OBSL1: variants seen among roughly 807,000 people sequenced by gnomAD.
The protein encoded by OBSL1 is obscurin like cytoskeletal adaptor 1.
OBSL1 carries 160 observed loss-of-function variants against 172.0 expected under a neutral mutation model. That is an observed-to-expected ratio of 0.93 (90% confidence interval 0.82 to 1.06). The LOEUF is 1.06. Among genes scored for constraint, OBSL1 ranks in the 50% least tolerant of loss-of-function variants. OBSL1 has a pLI of 0.00. For missense variants in OBSL1, 2,681 were observed against 2,715.4 expected (o/e 0.99, Z 0.28); for synonymous variants, 1,200 against 1,196.3 (o/e 1.00, Z -0.06).
chr2:219,554,678 T>G lies in OBSL1; in HGVS notation c.4672A>C (p.Thr1558Pro). Residue 1558 changes from threonine to proline, a missense_variant, in exon 15 of 21, where the codon ACC becomes CCC. Thr to Pro is a conservative substitution (Grantham distance 38). Transcript: ENST00000404537. ...TCCTGGGACAGCTCCAGCTGGAAGG[T>G]GGCACTGCCCCCCTCACTGATGGTC... is the stretch of plus-strand genomic sequence containing the variant. ...DVTISEGGSA[T>P]FQLELSQEGV... The G allele has an allele frequency of 6.3e-7, 1 of 1,596,156 alleles. No homozygotes were observed. The highest frequency in any genetic ancestry group is 8.5e-7 in the Non-Finnish European group (1 of 1,171,404).
At chr2:219,566,678 G>A (rs376242829) in intron 5 of OBSL1, among the ~76,000 whole-genome samples, 152 bp downstream of exon 5, 2 of 152,184 alleles carry the variant, frequency 1.3e-5, no homozygotes, top group African/African-American at 2.4e-5. Flanking sequence ...TTGGCCTTCC[G>A]GACCTCTGAG....
chr2:219,556,818 T>C, intron 12 of OBSL1, 95 bp from the exon 13 acceptor site: 16 of 1,344,736 alleles, frequency 1.2e-5, no homozygotes, highest in Non-Finnish European at 1.5e-5. Context: ...TCCCCAGTCA[T>C]TTAACAGACC....
At position 219,552,816 on chromosome 2, in the gene OBSL1, G is replaced by C. The variant is rs574191605; in HGVS notation, c.5146+52C>G. 6.5e-6 allele frequency: 10 copies of C among 1,534,072 alleles called. No individual in the cohort carries two copies. In the South Asian group the frequency reaches 1.1e-4, roughly 17 times the overall value. On this transcript the variant is annotated intron_variant, in intron 17 of 20. Transcript: ENST00000404537. Reference sequence around the variant, plus strand: ...ATCAGGGTCCGGGGAAGACAGCTCCGCAAGTCTCGCGCCCAAAGCAGTGCC... The same window carrying C: ...ATCAGGGTCCGGGGAAGACAGCTCCCCAAGTCTCGCGCCCAAAGCAGTGCC...
In OBSL1 at chr2:219,571,213, TC is replaced by T; in HGVS notation, c.19del (p.Asp7IlefsTer18). 1 of 1,302,414 alleles carries T rather than the reference TC, an allele frequency of 7.7e-7. No individual in the cohort carries two copies. The allele number at this position is 1,302,414 out of a possible 1,614,324, so 80.7% of individuals were successfully genotyped here. A position where few individuals can be genotyped will look rare whatever the true frequency, so the allele number is the denominator to read the frequency against. On this transcript the variant is annotated frameshift_variant, in exon 1 of 21. Transcript: ENST00000404537. LOFTEE classifies it high-confidence loss of function. MKASSG[D>X]QGSPPCFLRF... ...CAGGAAGCACGGGGGGCTCCCCTGATCCCCCGAGCTCGCCTTCATCGCGGCG... is the reference window on the plus strand; with the variant it reads ...CAGGAAGCACGGGGGGCTCCCCTGATCCCCGAGCTCGCCTTCATCGCGGCG...
chr2:219,570,810 C>T lies in OBSL1; in HGVS notation c.423G>A (p.Arg141=), dbSNP rs79796143. 622 of 1,485,198 alleles carry T rather than the reference C, an allele frequency of 4.2e-4. 3 individuals are homozygous for T. In the African/African-American group the frequency reaches 8.2e-3, roughly 20 times the overall value. 92.0% of individuals were successfully genotyped at this position (1,485,198 alleles called of 1,614,324 possible). Residue 141 remains arginine (R), a synonymous_variant, in exon 1 of 21, where the codon CGG becomes CGA. Coordinates refer to ENST00000404537, the MANE Select transcript of OBSL1 (RefSeq NM_015311.3). ...LTGPRSQWVL[R]GAEVVLTCRA... The stretch of plus-strand genomic sequence containing the variant: ...GGCACGTCAGCACCACCTCCGCCCC[C>T]CGCAGCACCCACTGGGATCGAGGCC...
intron 14 of OBSL1, chr2:219,555,019 G>A (rs1049997864): frequency 4.8e-5 from 22 of 455,060 alleles, no homozygotes; most frequent in African/African-American, 3.8e-4. Context: ...ACACTTGAAG[G>A]AGCACGGAAT....
chr2:219,570,579 C>T lies in OBSL1; in HGVS notation c.654G>A (p.Ala218=). 6.5e-7 allele frequency: 1 copy of T among 1,531,140 alleles called. No homozygotes were observed. The highest frequency in any genetic ancestry group is 8.8e-7 in the Non-Finnish European group (1 of 1,142,568). 94.8% of individuals were successfully genotyped at this position (1,531,140 alleles called of 1,614,324 possible). A position where few individuals can be genotyped will look rare whatever the true frequency, so the allele number is the denominator to read the frequency against. Residue 218 remains alanine (A), a synonymous_variant, in exon 1 of 21, where the codon GCG becomes GCA. Transcript: ENST00000404537. The stretch of plus-strand genomic sequence containing the variant: ...GCACCTGGAGCAGCGCCCCCGCCTG[C>T]GCGTGGCCGTGCGCGTTGCGGGCGT... ...VCHARNAHGH[A]QAGALLQVHQ...
At position 219,570,657 on chromosome 2, in the gene OBSL1, C is replaced by A. The variant is rs939447576; in HGVS notation, c.576G>T (p.Leu192=). ...GCCGAGCCGCCAGGATGCGCAGTGC[C>A]AGGCTCGCGCCGGGGCCGTCCTCGG... is the stretch of plus-strand genomic sequence containing the variant. ...GRAEDGPGAS[L]ALRILAARLP... The change falls in exon 1 of 21, where the codon CTG becomes CTT. Residue 192 remains leucine (L), a synonymous_variant. Transcript: ENST00000404537. 1 of 1,507,698 alleles carries A rather than the reference C, an allele frequency of 6.6e-7. No homozygotes were observed. Among genetic ancestry groups the A allele is most frequent in the South Asian group, 1.2e-5 (1 of 80,936 alleles). 93.4% of individuals were successfully genotyped at this position (1,507,698 alleles called of 1,614,324 possible).
At chr2:219,560,115 A>G (rs1696353547) in intron 8 of OBSL1, among the ~76,000 whole-genome samples, 1 of 152,240 alleles carries the variant, frequency 6.6e-6, no homozygotes, top group Non-Finnish European at 1.5e-5. Flanking sequence ...CAAGCACTTG[A>G]AACATTTAAC....
chr2:219,551,325 A>G, intron 20 of OBSL1: 1 of 1,411,278 alleles, frequency 7.1e-7, no homozygotes, highest in Non-Finnish European at 9.2e-7. Context: ...ACAGCTGACC[A>G]GGAGCAGCTG....
chr2:219,566,416 G>A (rs1019603290), intron 5 of OBSL1, among the ~76,000 whole-genome samples: 3 of 152,082 alleles, frequency 2.0e-5, no homozygotes, highest in African/African-American at 7.2e-5. Context: ...GGGCCATTGA[G>A]AAGATTGTGT....
chr2:219,556,194 C>T lies in OBSL1; in HGVS notation c.4435G>A (p.Gly1479Arg), dbSNP rs770864778. 6.2e-7 allele frequency: 1 copy of T among 1,612,342 alleles called. No homozygotes were observed. The highest frequency in any genetic ancestry group is 8.5e-7 in the Non-Finnish European group (1 of 1,179,230). ...CCACCTCGCACCCAGCGCACGGCCC[C>T]CGCTGCACCCACTCGGCCTGTCTCC... ...EVETGRVGAA[G>R]AVRWVRGGQP... is the part of the protein sequence containing the mutation. Residue 1479 changes from glycine (G) to arginine (R), a missense_variant, in exon 14 of 21, where the codon GGG becomes AGG. This residue lies in a region of OBSL1 where 1,765 missense variants were observed against 1,748.3 expected (regional missense o/e 1.01). Transcript: ENST00000404537.
At chr2:219,549,088 G>A (rs1483713562), downstream of OBSL1, 1 of 1,584,288 alleles carries the variant, frequency 6.3e-7, no homozygotes, top group African/African-American at 1.3e-5. Flanking sequence ...GATGAGAGAG[G>A]GAGGGCTCAA....
rs1038699920 is a variant in OBSL1 at position 219,571,409 on chromosome 2, G to A, written c.-177C>T. On this transcript the variant is annotated 5_prime_UTR_variant, in exon 1 of 21. Coordinates refer to ENST00000404537, the MANE Select transcript of OBSL1 (RefSeq NM_015311.3). ...GCCTCCTTACCCTCGGCCCCGAGCT[G>A]CAGCTCTGCGGCGGCGGCGGCGGCG... The A allele has an allele frequency of 5.6e-6, 2 of 356,818 alleles. No individual in the cohort carries two copies. Among genetic ancestry groups the A allele is most frequent in the South Asian group, 1.3e-4 (1 of 7,646 alleles). 22.1% of individuals were successfully genotyped at this position (356,818 alleles called of 1,614,324 possible).
In OBSL1 at chr2:219,554,525, C is replaced by T; in HGVS notation, c.4825G>A (p.Val1609Ile). Reference protein sequence around the residue: ...NGLGLADSGCVSFTADSLRCA... With the variant: ...NGLGLADSGCISFTADSLRCA... ...CGCAGGGAATCCGCTGTGAAGGAGA[C>T]ACAGCCTGAGTCGGCCAGGCCCAGG... Residue 1609 changes from valine (V) to isoleucine (I), a missense_variant, in exon 15 of 21, where the codon GTC becomes ATC. Transcript: ENST00000404537. The T allele has an allele frequency of 1.2e-6, 2 of 1,613,444 alleles. No homozygotes were observed. Among genetic ancestry groups the T allele is most frequent in the Non-Finnish European group, 8.5e-7 (1 of 1,179,874 alleles).
chr2:219,566,763 T>G, intron 5 of OBSL1, 67 bp downstream of exon 5: 1 of 1,466,878 alleles, frequency 6.8e-7, no homozygotes, highest in Non-Finnish European at 9.2e-7. Flanking sequence ...AGCATCTGCC[T>G]CGTTTTGCCA....
At chr2:219,558,850 C>T (rs1190702527) in intron 9 of OBSL1, among the ~76,000 whole-genome samples, 2 of 152,188 alleles carry the variant, frequency 1.3e-5, no homozygotes, top group East Asian at 1.9e-4. Context: ...GCACTTGTTA[C>T]CACCTGACAA....
At chr2:219,557,028 CCT>C in intron 12 of OBSL1, 2 of 484,308 alleles carry the variant, frequency 4.1e-6, no homozygotes, top group South Asian at 4.8e-5. Context: ...AGCACTATCC[CCT>C]CTTTTCAGAG....
At chr2:219,551,012 T>G in intron 20 of OBSL1, 170 bp from the exon 21 acceptor site, 1 of 1,486,404 alleles carries the variant, frequency 6.7e-7, no homozygotes, top group Non-Finnish European at 8.9e-7. Context: ...GGGGGTCAGC[T>G]AGGGGTGGGG....
Sources: gnomAD v4.1 joint callset for allele counts (sites outside exome capture counted in the v4.1 genomes callset) on GRCh38, gnomAD v4.1.1 for gene constraint, gnomAD v4.1.1 regional missense constraint, MANE v1.5 for transcripts, NCBI Gene and HGNC (gene_info 2026-07-23, HGNC 2026-07-21) for gene names.